DNM1L: variants seen among roughly 807,000 people sequenced by gnomAD.
The protein encoded by DNM1L is dynamin-1-like protein.
Under a neutral mutation model 92.8 loss-of-function variants are expected in DNM1L, and 33 were observed. That is an observed-to-expected ratio of 0.36 (90% CI 0.27 to 0.48). DNM1L has a LOEUF of 0.48. Ranked by LOEUF, DNM1L falls within the 20% of genes least tolerant of loss-of-function variation. The pLI is 0.99. For missense variants in DNM1L, 485 were observed against 888.8 expected (o/e 0.55, Z 5.78); for synonymous variants, 284 against 305.0 (o/e 0.93, Z 0.72).
intron 5 of DNM1L, among the ~76,000 whole-genome samples, chr12:32,712,507 G>A (rs1214741889): frequency 6.6e-6 from 1 of 151,494 alleles, no homozygotes. Flanking sequence ...TAATGGCCAG[G>A]TGCAGAGTGG....
Position 32,744,079 on chromosome 12 carries a change from A to ATACT in DNM1L, c.*672_*675dup, listed in dbSNP as rs1349427711. 1 of 152,364 alleles carries ATACT rather than the reference A, an allele frequency of 6.6e-6. No homozygotes were observed. Among genetic ancestry groups the ATACT allele is most frequent in the African/African-American group, 2.4e-5 (1 of 41,464 alleles). The allele number at this position is 152,364 out of a possible 1,614,324, so 9.4% of individuals were successfully genotyped here. A position where few individuals can be genotyped will look rare whatever the true frequency, so the allele number is the denominator to read the frequency against. Reference sequence around the variant, plus strand: ...AGCAAATTAAAATATGCTTTGATTCATACTTAAACCTGAAAGCAGGAATGC... The same window carrying ATACT: ...AGCAAATTAAAATATGCTTTGATTCATACTTACTTAAACCTGAAAGCAGGAATGC... On this transcript the variant is annotated 3_prime_UTR_variant, in exon 20 of 20. Coordinates refer to ENST00000549701, the MANE Select transcript of DNM1L (RefSeq NM_012062.5).
intron 1 of DNM1L, among the ~76,000 whole-genome samples, chr12:32,681,795 A>C (rs1054668975): frequency 6.6e-6 from 1 of 152,188 alleles, no homozygotes; most frequent in East Asian, 1.9e-4. Flanking sequence ...TTCTGTACTT[A>C]GTTCTGCCTA....
chr12:32,705,950 T>C (rs1952907522), intron 2 of DNM1L: 1 of 1,275,500 alleles, frequency 7.8e-7, no homozygotes, highest in Non-Finnish European at 1.1e-6. Context: ...TGTGTATTTT[T>C]TTTTCTTCCA....
intron 7 of DNM1L, among the ~76,000 whole-genome samples, chr12:32,719,794 C>T (rs926709469): frequency 1.2e-4 from 18 of 152,258 alleles, no homozygotes; most frequent in Non-Finnish European, 2.6e-4. Flanking sequence ...TCTTGGAATC[C>T]TCACAGCATC....
intron 9 of DNM1L, among the ~76,000 whole-genome samples, chr12:32,729,593 G>T (rs765993972): frequency 1.5e-4 from 23 of 151,988 alleles, no homozygotes; most frequent in Non-Finnish European, 2.6e-4. Context: ...GGGACTACAG[G>T]TGCCCACCAC....
Position 32,736,628 on chromosome 12 carries a change from C to T in DNM1L, c.1540-477C>T, listed in dbSNP as rs191258729. On this transcript the variant is annotated intron_variant, in intron 13 of 19. Coordinates refer to ENST00000549701, the MANE Select transcript of DNM1L (RefSeq NM_012062.5). ...CAACCACAGATACTTCTTCAAGATA[C>T]GGTTTTATGAGGGGAGTTGTTTGAG... Among the ~76,000 whole-genome samples the T allele has an allele frequency of 7.2e-5, 11 of 152,254 alleles. 1 individual carries two copies. Among genetic ancestry groups the T allele is most frequent in the East Asian group, 3.9e-4 (2 of 5,178 alleles).
chr12:32,733,371 A>G (rs1228660330), intron 12 of DNM1L: 1 of 247,394 alleles, frequency 4.0e-6, no homozygotes, highest in African/African-American at 2.3e-5. Flanking sequence ...ATAGTGGATG[A>G]TCTGAAGTTT....
At chr12:32,693,106 A>G (rs183033526) in intron 1 of DNM1L, among the ~76,000 whole-genome samples, 9 of 152,312 alleles carry the variant, frequency 5.9e-5, no homozygotes, top group East Asian at 3.9e-4. Context: ...GGATATTGCT[A>G]TTGCTTCTCA....
chr12:32,681,778 A>G (rs1165695700), intron 1 of DNM1L, among the ~76,000 whole-genome samples: 4 of 152,198 alleles, frequency 2.6e-5, no homozygotes, highest in Non-Finnish European at 5.9e-5. Context: ...TTCCAGACAT[A>G]TAAGTGTTCT....
chr12:32,725,058 A>C (rs962919081), intron 9 of DNM1L, among the ~76,000 whole-genome samples: 3 of 151,236 alleles, frequency 2.0e-5, no homozygotes, highest in African/African-American at 7.3e-5. Context: ...TTTTTAAAGC[A>C]TCGTATCACT....
In DNM1L at chr12:32,713,370, T is replaced by C. The variant is rs769177492; in HGVS notation, c.618T>C (p.Asp206=). ...AAATTTCAAGAGAGGTAGATCCAGA[T>C]GGTAAGGACAGATGTTAATTTAATG... The part of the protein sequence containing the change: ...ALKISREVDP[D]GRRTLAVITK... Residue 206 remains aspartate (D), a splice_region_variant and synonymous_variant, in exon 6 of 20, where the codon GAT becomes GAC. Coordinates refer to ENST00000549701, the MANE Select transcript of DNM1L (RefSeq NM_012062.5). The C allele has an allele frequency of 3.7e-5, 59 of 1,613,730 alleles. No individual in the cohort carries two copies. The highest frequency in any genetic ancestry group is 3.6e-4 in the South Asian group (33 of 91,088).
intron 13 of DNM1L, among the ~76,000 whole-genome samples, chr12:32,736,302 C>T (rs1336938467): frequency 6.6e-6 from 1 of 152,046 alleles, no homozygotes; most frequent in Non-Finnish European, 1.5e-5. Flanking sequence ...GAACTGCCCT[C>T]AAGTGATCTG....
chr12:32,742,800 A>C, intron 19 of DNM1L, 52 bp downstream of exon 19: 1 of 1,602,416 alleles, frequency 6.2e-7, no homozygotes, highest in East Asian at 2.2e-5. Context: ...AGAAACATAG[A>C]AATAGTTTTA....
intron 6 of DNM1L, among the ~76,000 whole-genome samples, chr12:32,714,949 G>A (rs1014616911): frequency 5.9e-5 from 9 of 152,024 alleles, no homozygotes; most frequent in African/African-American, 2.2e-4. Flanking sequence ...GCAGTGAGCC[G>A]AGATCATGCC....
chr12:32,733,901 A>G (rs1483756136), intron 13 of DNM1L, 94 bp downstream of exon 13: 1 of 1,091,350 alleles, frequency 9.2e-7, no homozygotes, highest in Non-Finnish European at 1.4e-6. Context: ...ACTATAAAAT[A>G]GACATGTGCC....
In DNM1L at chr12:32,720,730, TC is replaced by T; in HGVS notation, c.808del (p.Gln270LysfsTer20). On this transcript the variant is annotated frameshift_variant, in exon 8 of 20. Transcript: ENST00000549701. LOFTEE classifies it high-confidence loss of function. ...DSIRDEYAFL[Q>X]KKYPSLANRN... ...CAATCCGTGATGAGTATGCTTTTCT[TC>T]AAAAGAAATATCCATCTCTGGCCAA... 1.9e-6 allele frequency: 3 copies of T among 1,613,892 alleles called. No individual in the cohort carries two copies. The highest frequency in any genetic ancestry group is 2.5e-6 in the Non-Finnish European group (3 of 1,179,902).
rs886049295 is a variant in DNM1L, at chr12:32,744,726, T to C, written c.*1316T>C. On this transcript the variant is annotated 3_prime_UTR_variant, in exon 20 of 20. Transcript: ENST00000549701. The stretch of plus-strand genomic sequence containing the variant: ...GAAACTCCGTCTCAAAAAAAAAAAA[T>C]AAAACAACACCCAGATAGATACACA... 1 of 342,062 alleles carries C rather than the reference T, an allele frequency of 2.9e-6. No homozygotes were observed. The highest frequency in any genetic ancestry group is 5.6e-6 in the Non-Finnish European group (1 of 178,206). 21.2% of individuals were successfully genotyped at this position (342,062 alleles called of 1,614,324 possible).
chr12:32,721,234 G>A (rs1176703610), intron 8 of DNM1L, among the ~76,000 whole-genome samples: 2 of 152,112 alleles, frequency 1.3e-5, no homozygotes, highest in Admixed American at 6.6e-5. Context: ...ATAACTATAC[G>A]TTGGATTCTG....
At chr12:32,727,230 T>C (rs1783415109) in intron 9 of DNM1L, 3 of 1,430,598 alleles carry the variant, frequency 2.1e-6, no homozygotes, top group African/African-American at 2.8e-5. Flanking sequence ...TAGAGGCTGA[T>C]AGAGAACAGC....
Sources: gnomAD v4.1 joint callset for allele counts (sites outside exome capture counted in the v4.1 genomes callset) on GRCh38, gnomAD v4.1.1 for gene constraint, MANE v1.5 for transcripts, NCBI Gene and HGNC (gene_info 2026-07-23, HGNC 2026-07-21) for gene names.